The following OBSL1 variants were observed in gnomAD, a reference collection of about 807,000 sequenced individuals.
OBSL1 encodes obscurin like cytoskeletal adaptor 1.
A neutral mutation model predicts 172.0 loss-of-function variants in OBSL1; 160 were observed. The observed-to-expected ratio is 0.93, with a 90% CI of 0.82 to 1.06. The LOEUF (loss-of-function observed/expected upper bound fraction) is 1.06, where lower values mean the gene tolerates loss of function less well. OBSL1 is among the 50% of genes least tolerant of loss of function. The pLI is 0.00. For synonymous variants in OBSL1, 1,200 were observed against 1,196.3 expected (o/e 1.00, Z -0.06); for missense variants, 2,681 against 2,715.4 (o/e 0.99, Z 0.28).
At position 219,570,682 on chromosome 2, in the gene OBSL1, G is replaced by C; in HGVS notation, c.551C>G (p.Ala184Gly). ...SSHFALQPGR[A>G]EDGPGASLAL... is the part of the protein sequence containing the mutation. ...CAGGCTCGCGCCGGGGCCGTCCTCG[G>C]CGCGGCCCGGCTGGAGCGCGAAGTG... Residue 184 changes from alanine to glycine, a missense_variant, in exon 1 of 21, where the codon GCC (alanine) becomes GGC (glycine). By Grantham distance (60) the Ala-to-Gly change is moderately conservative. Transcript: ENST00000404537. 6.6e-7 allele frequency: 1 copy of C among 1,508,370 alleles called. No individual in the cohort carries two copies. Among genetic ancestry groups the C allele is most frequent in the East Asian group, 2.7e-5 (1 of 37,184 alleles). 93.4% of individuals were successfully genotyped at this position (1,508,370 alleles called of 1,614,324 possible).
rs867574537 is a variant in OBSL1, at chr2:219,558,433, C to T, written c.3253G>A (p.Ala1085Thr). 6.3e-7 allele frequency: 1 copy of T among 1,588,630 alleles called. No homozygotes were observed. The highest frequency in any genetic ancestry group is 8.5e-7 in the Non-Finnish European group (1 of 1,169,590). Reference protein sequence around the residue: ...TAPPERIVHPAARSLDLHFGA... With the variant: ...TAPPERIVHPTARSLDLHFGA... ...AAATGCAGATCCAGGGAGCGGGCTG[C>T]CGGGTGCACAATCCTCTCTGGTGGG... The change falls in exon 10 of 21, where the codon GCA (alanine) becomes ACA (threonine). Residue 1085 changes from alanine to threonine, a missense_variant. Coordinates refer to ENST00000404537, the MANE Select transcript of OBSL1 (RefSeq NM_015311.3).
At position 219,557,603 on chromosome 2, in the gene OBSL1, ACCCG is replaced by A; in HGVS notation, c.3802_3805del (p.Arg1268TrpfsTer2). On this transcript the variant is annotated frameshift_variant, in exon 12 of 21. Coordinates refer to ENST00000404537, the MANE Select transcript of OBSL1 (RefSeq NM_015311.3). LOFTEE classifies it high-confidence loss of function. ...CGTCTGGGCTGCCTCGGGAGCTACCACCCGCACAGGGGGCTCTGTGGAGTCAGAG... is the reference window on the plus strand; with the variant it reads ...CGTCTGGGCTGCCTCGGGAGCTACCACACAGGGGGCTCTGTGGAGTCAGAG... 2.6e-6 allele frequency: 4 copies of A among 1,543,066 alleles called. No homozygotes were observed. The highest frequency in any genetic ancestry group is 3.5e-6 in the Non-Finnish European group (4 of 1,141,532).
At chr2:219,556,416 A>G (rs1429852591) in intron 13 of OBSL1, 38 bp downstream of exon 13, 1 of 1,609,528 alleles carries the variant, frequency 6.2e-7, no homozygotes, top group Non-Finnish European at 8.5e-7. Context: ...GAGTACAGGC[A>G]CGGGACACAG....
chr2:219,557,510 A>G lies in OBSL1; in HGVS notation c.3899T>C (p.Val1300Ala), dbSNP rs1315397394. ...TCGCTCCCCGTCCTTGTACCAGCGT[A>G]CAGGGCCCCCTGGCCCGGAGAGGTG... Reference protein sequence around the residue: ...VVHLSGPGGPVRWYKDGERLA... With the variant: ...VVHLSGPGGPARWYKDGERLA... Residue 1300 changes from valine (V) to alanine (A), a missense_variant, in exon 12 of 21, where the codon GTA becomes GCA. Transcript: ENST00000404537. 6.4e-7 allele frequency: 1 copy of G among 1,553,614 alleles called. No homozygotes were observed. The highest frequency in any genetic ancestry group is 2.4e-5 in the East Asian group (1 of 41,088).
At chr2:219,551,299 G>A (rs1695593655) in intron 20 of OBSL1, 6 of 1,410,720 alleles carry the variant, frequency 4.3e-6, no homozygotes, top group Admixed American at 5.9e-5. Context: ...GCAAGAAGGG[G>A]CGTAGAAAGG....
intron 7 of OBSL1, 41 bp downstream of exon 7, chr2:219,563,314 G>A: frequency 6.6e-7 from 1 of 1,513,822 alleles, no homozygotes; most frequent in Middle Eastern, 1.8e-4. Context: ...GGGAGCAGGG[G>A]CACCTTCCCC....
chr2:219,551,836 A>C, intron 19 of OBSL1, 38 bp from the exon 20 acceptor site: 2 of 1,367,818 alleles, frequency 1.5e-6, no homozygotes, highest in East Asian at 2.3e-5. Context: ...TAATAGGGAC[A>C]CGCATGGCCC....
At chr2:219,551,946 C>T (rs911554422) in intron 19 of OBSL1, 148 bp from the exon 20 acceptor site, 34 of 901,850 alleles carry the variant, frequency 3.8e-5, no homozygotes, top group Non-Finnish European at 5.5e-5. Flanking sequence ...CCCAAAGTCT[C>T]CTCTTGCCGG....
In OBSL1 at chr2:219,565,449, C is replaced by A; in HGVS notation, c.2200G>T (p.Val734Leu). ...CTTGAGAGCTCACAAGTCAGCACCACCCGCTCTGAGGTTGTGAAGGTCAAC... is the reference window on the plus strand; with the variant it reads ...CTTGAGAGCTCACAAGTCAGCACCAACCGCTCTGAGGTTGTGAAGGTCAAC... Reference protein sequence around the residue: ...VSLTFTTSERVVLTCELSRVD... With the variant: ...VSLTFTTSERLVLTCELSRVD... Residue 734 changes from valine (V) to leucine (L), a missense_variant, in exon 6 of 21, where the codon GTG becomes TTG. Transcript: ENST00000404537. The A allele has an allele frequency of 6.2e-7, 1 of 1,613,516 alleles. No homozygotes were observed.
intron 12 of OBSL1, 88 bp downstream of exon 12, chr2:219,557,255 C>A: frequency 7.6e-7 from 1 of 1,309,460 alleles, no homozygotes; most frequent in Non-Finnish European, 1.0e-6. Context: ...AGCAGCAAAG[C>A]GGGGGTGGAG....
At chr2:219,557,184 G>T (rs915982102) in intron 12 of OBSL1, among the ~76,000 whole-genome samples, 159 bp downstream of exon 12, 5 of 152,156 alleles carry the variant, frequency 3.3e-5, no homozygotes, top group African/African-American at 1.2e-4. Context: ...AGGGTTTCTG[G>T]AAAGAGGAGC....
In OBSL1 at chr2:219,565,431, G is replaced by A. The variant is rs768692286; in HGVS notation, c.2218C>T (p.Leu740Phe). Residue 740 changes from leucine (L) to phenylalanine (F), a missense_variant, in exon 6 of 21, where the codon CTC (leucine) becomes TTC (phenylalanine). Physicochemically the swap from Leu to Phe is conservative, Grantham distance 22. Coordinates refer to ENST00000404537, the MANE Select transcript of OBSL1 (RefSeq NM_015311.3). ...GTTGCCGGGAAGTCCACCCTTGAGA[G>A]CTCACAAGTCAGCACCACCCGCTCT... ...TSERVVLTCE[L>F]SRVDFPATWY... is the part of the protein sequence containing the mutation. 4.3e-6 allele frequency: 7 copies of A among 1,613,798 alleles called. No individual in the cohort carries two copies. The highest frequency in any genetic ancestry group is 8.5e-7 in the Non-Finnish European group (1 of 1,179,866).
At chr2:219,556,943 G>A in intron 12 of OBSL1, 1 of 541,294 alleles carries the variant, frequency 1.8e-6, no homozygotes, top group Non-Finnish European at 3.2e-6. Context: ...ACCCCACCTT[G>A]GTGGCACCCT....
rs938199322 is a variant in OBSL1, at chr2:219,559,538, G to A, written c.2954-41C>T. 2.0e-5 allele frequency: 32 copies of A among 1,586,992 alleles called. No homozygotes were observed. In the Middle Eastern group the frequency reaches 6.7e-4, roughly 33 times the overall value. On this transcript the variant is annotated intron_variant, in intron 8 of 20. Transcript: ENST00000404537. ...AACCACAGCCTGTCACAAGCTCACC[G>A]TCAGCCTCTCTGGAGCCATTCGGCA...
chr2:219,549,772 T>G (rs748485106), downstream of OBSL1: 10 of 1,614,130 alleles, frequency 6.2e-6, no homozygotes, highest in Non-Finnish European at 8.5e-6. Context: ...AGCTCCTTCA[T>G]GGCCTCACCC....
chr2:219,552,037 A>G, intron 19 of OBSL1, 75 bp downstream of exon 19: 1 of 1,401,816 alleles, frequency 7.1e-7, no homozygotes, highest in Non-Finnish European at 9.9e-7. Context: ...TCTTGGGGCC[A>G]GCCCCAAGTC....
intron 1 of OBSL1, among the ~76,000 whole-genome samples, chr2:219,569,800 T>C (rs1424981351): frequency 6.6e-6 from 1 of 152,230 alleles, no homozygotes; most frequent in Non-Finnish European, 1.5e-5. Context: ...AAGTACCTGT[T>C]ATATACGTAG....
intron 6 of OBSL1, among the ~76,000 whole-genome samples, chr2:219,564,619 G>C (rs922634412): frequency 1.3e-5 from 2 of 152,234 alleles, no homozygotes; most frequent in African/African-American, 4.8e-5. Flanking sequence ...TGTGGACAGC[G>C]AGACAGTGTT....
chr2:219,547,835 C>T (rs758187620), downstream of OBSL1: 153 of 1,587,364 alleles, frequency 9.6e-5, no homozygotes, highest in Non-Finnish European at 8.2e-5. Flanking sequence ...GCTCACTCTG[C>T]GCTGGCCCCG....
Sources: gnomAD v4.1 joint callset for allele counts (sites outside exome capture counted in the v4.1 genomes callset) on GRCh38, gnomAD v4.1.1 for gene constraint, MANE v1.5 for transcripts, NCBI Gene and HGNC (gene_info 2026-07-23, HGNC 2026-07-21) for gene names.